GRIA2: variants seen among roughly 807,000 people sequenced by gnomAD.
GRIA2 encodes the protein glutamate receptor 2.
GRIA2 carries 14 observed loss-of-function variants against 97.3 expected under a neutral mutation model. The ratio of observed to expected loss-of-function variants is 0.14; its 90% CI spans 0.10 to 0.23. The LOEUF is 0.23. Among genes scored for constraint, GRIA2 ranks in the 10% least tolerant of loss-of-function variants. GRIA2 has a pLI of 1.00. For synonymous variants in GRIA2, 412 were observed against 387.8 expected (o/e 1.06, Z -0.73); for missense variants, 558 against 1,069.8 (o/e 0.52, Z 6.67).
intron 12 of GRIA2, among the ~76,000 whole-genome samples, chr4:157,344,447 G>A (rs569047953): frequency 2.0e-5 from 3 of 152,206 alleles, no homozygotes; most frequent in African/African-American, 7.2e-5. Flanking sequence ...GACCAGGAAA[G>A]GGTTATGGGT....
At chr4:157,241,835 T>G (rs898763749) in intron 2 of GRIA2, among the ~76,000 whole-genome samples, 1 of 152,066 alleles carries the variant, frequency 6.6e-6, no homozygotes, top group Admixed American at 6.6e-5. Context: ...GAAACATGTT[T>G]CTAAGTGTTG....
intron 12 of GRIA2, among the ~76,000 whole-genome samples, chr4:157,348,180 T>C (rs1735845181): frequency 6.6e-6 from 1 of 152,154 alleles, no homozygotes; most frequent in African/African-American, 2.4e-5. Flanking sequence ...ACAATTTTGC[T>C]CTGACTCCTA....
Position 157,359,527 on chromosome 4 carries a change from G to C in GRIA2, c.2044-369G>C, listed in dbSNP as rs139093873. On this transcript the variant is annotated intron_variant, in intron 12 of 15. Coordinates refer to ENST00000264426, the MANE Select transcript of GRIA2 (RefSeq NM_001083619.3). ...CCTGTTCTACCACTAATTAGGAATC[G>C]ACCATTTAGGATTTGGGCAGCAAAG... Among the ~76,000 whole-genome samples, 647 of 152,090 alleles carry C rather than the reference G, an allele frequency of 4.3e-3. 5 individuals carry two copies. The highest frequency in any genetic ancestry group is 0.015 in the African/African-American group (625 of 41,494).
At chr4:157,292,962 G>A (rs774416576) in intron 2 of GRIA2, among the ~76,000 whole-genome samples, 2 of 152,002 alleles carry the variant, frequency 1.3e-5, no homozygotes, top group Non-Finnish European at 2.9e-5. Flanking sequence ...AGAGCAATGC[G>A]TACTGTCAAG....
intron 2 of GRIA2, among the ~76,000 whole-genome samples, chr4:157,249,054 G>T (rs1730908338): frequency 6.6e-6 from 1 of 151,868 alleles, no homozygotes; most frequent in Non-Finnish European, 1.5e-5. Flanking sequence ...GGCCTGCTCT[G>T]GATCTCCTGG....
chr4:157,289,186 G>T (rs935490861), intron 2 of GRIA2, among the ~76,000 whole-genome samples: 6 of 151,630 alleles, frequency 4.0e-5, no homozygotes, highest in African/African-American at 1.4e-4. Flanking sequence ...ACCTGAACAG[G>T]GGCTCTTTTT....
At chr4:157,336,824 A>G in intron 11 of GRIA2, 77 bp downstream of exon 11, 5 of 1,388,370 alleles carry the variant, frequency 3.6e-6, no homozygotes, top group Non-Finnish European at 3.9e-6. Context: ...GATTCACCCT[A>G]AAGAAGTTAC....
intron 6 of GRIA2, among the ~76,000 whole-genome samples, chr4:157,323,250 G>A (rs886877254): frequency 1.4e-5 from 2 of 144,370 alleles, no homozygotes; most frequent in African/African-American, 5.1e-5. Flanking sequence ...CAGGAGAATG[G>A]CGTGAACCCG....
intron 1 of GRIA2, 34 bp downstream of exon 1, chr4:157,221,164 G>T (rs754799174): frequency 9.6e-7 from 1 of 1,039,470 alleles, no homozygotes; most frequent in Non-Finnish European, 1.5e-6. Context: ...TTTGAATTGT[G>T]CATAATTTGG....
chr4:157,266,952 C>T (rs2126781223), intron 2 of GRIA2, among the ~76,000 whole-genome samples: 1 of 151,814 alleles, frequency 6.6e-6, no homozygotes, highest in South Asian at 2.1e-4. Flanking sequence ...TTCAGCTACT[C>T]GAGTAGGCTC....
intron 2 of GRIA2, among the ~76,000 whole-genome samples, chr4:157,276,825 A>C (rs1579325110): frequency 6.6e-6 from 1 of 152,060 alleles, no homozygotes; most frequent in East Asian, 1.9e-4. Flanking sequence ...TTCCAATGTA[A>C]ATTCCTTGGA....
Position 157,315,630 on chromosome 4 carries a change from A to G in GRIA2, c.667-2028A>G, listed in dbSNP as rs189860485. On this transcript the variant is annotated intron_variant, in intron 4 of 15. Transcript: ENST00000264426. The stretch of plus-strand genomic sequence containing the variant: ...CAATCTCAGGTCACTGCAACCTTCA[A>G]TTCCCTGGTTGAAGAGATTCTACTG... Among the ~76,000 whole-genome samples, 437 of 152,004 alleles carry G rather than the reference A, an allele frequency of 2.9e-3. 4 individuals are homozygous for G. Among genetic ancestry groups the G allele is most frequent in the African/African-American group, 9.7e-3 (403 of 41,458 alleles).
intron 12 of GRIA2, among the ~76,000 whole-genome samples, chr4:157,354,664 C>G (rs149337016): frequency 1.4e-3 from 219 of 152,102 alleles, no homozygotes; most frequent in African/African-American, 5.1e-3. Context: ...TTGCAGTCTC[C>G]CAGGATAGAA....
At chr4:157,226,259 T>C (rs1157897970) in intron 2 of GRIA2, among the ~76,000 whole-genome samples, 2 of 152,046 alleles carry the variant, frequency 1.3e-5, no homozygotes, top group Non-Finnish European at 2.9e-5. Flanking sequence ...GGAGAAAATA[T>C]TGTTGTTTCA....
intron 2 of GRIA2, among the ~76,000 whole-genome samples, chr4:157,240,956 G>A (rs1033602212): frequency 1.9e-4 from 29 of 151,256 alleles, no homozygotes; most frequent in Admixed American, 1.8e-3. Flanking sequence ...GAGAATATGC[G>A]GTGTTTGGTT....
At position 157,363,031 on chromosome 4, in the gene GRIA2, G is replaced by C. The variant is rs1560785119; in HGVS notation, c.2639G>C (p.Ser880Thr). Residue 880 changes from serine (S) to threonine (T), a missense_variant, in exon 15 of 16, where the codon AGT becomes ACT. Around this residue, in one of 8 missense-constraint regions of GRIA2, gnomAD observed 54 missense variants for 82.1 expected, o/e 0.66. Transcript: ENST00000264426. ...KEGYNVYGIESVKI is the reference protein window; with the variant it reads ...KEGYNVYGIETVKI ...GGTTACAACGTATATGGCATCGAAA[G>C]TGTTAAAATTTAGGGGGTAGGAACG... 1.9e-6 allele frequency: 3 copies of C among 1,611,502 alleles called. No individual in the cohort carries two copies. Among genetic ancestry groups the C allele is most frequent in the Non-Finnish European group, 2.5e-6 (3 of 1,178,318 alleles).
At chr4:157,222,631 G>A (rs1729553523) in intron 2 of GRIA2, among the ~76,000 whole-genome samples, 2 of 152,236 alleles carry the variant, frequency 1.3e-5, no homozygotes, top group African/African-American at 4.8e-5. Context: ...CTCCAGCAGA[G>A]GCAGCCGGGG....
intron 3 of GRIA2, among the ~76,000 whole-genome samples, chr4:157,307,743 A>G (rs565193499): frequency 6.6e-6 from 1 of 152,342 alleles, no homozygotes; most frequent in South Asian, 2.1e-4. Flanking sequence ...GAGAGTAGGT[A>G]AAAACAGAAT....
chr4:157,363,355 AC>A, intron 15 of GRIA2, 79 bp from the exon 16 acceptor site: 1 of 972,516 alleles, frequency 1.0e-6, no homozygotes, highest in Non-Finnish European at 1.3e-6. Flanking sequence ...TTCAAAAACA[AC>A]CCTGCCTTTC....
Sources: gnomAD v4.1 joint callset for allele counts (sites outside exome capture counted in the v4.1 genomes callset) on GRCh38, gnomAD v4.1.1 for gene constraint, gnomAD v4.1.1 regional missense constraint, MANE v1.5 for transcripts, NCBI Gene and HGNC (gene_info 2026-07-23, HGNC 2026-07-21) for gene names.